SLC43A1: variants seen among roughly 807,000 people sequenced by gnomAD.
SLC43A1 encodes solute carrier family 43 member 1, also known as large neutral amino acids transporter small subunit 3.
SLC43A1 carries 31 observed loss-of-function variants against 59.5 expected under a neutral mutation model. The ratio of observed to expected loss-of-function variants is 0.52; its 90% CI spans 0.39 to 0.70. The LOEUF (loss-of-function observed/expected upper bound fraction) is 0.70, where lower values mean the gene tolerates loss of function less well. SLC43A1 is among the 30% of genes least tolerant of loss of function. The pLI, the probability that SLC43A1 is intolerant of heterozygous loss-of-function variation, is 0.00. For missense variants in SLC43A1, 598 were observed against 717.8 expected, an observed-to-expected ratio of 0.83 and a Z score of 1.91; for synonymous variants, 259 against 290.9, an observed-to-expected ratio of 0.89 and a Z score of 1.12.
rs775238362 is a variant in SLC43A1, at chr11:57,493,949, AC to A, written c.871+43del. On this transcript the variant is annotated intron_variant, in intron 8 of 14. Coordinates refer to ENST00000278426, the MANE Select transcript of SLC43A1 (RefSeq NM_003627.6). The stretch of plus-strand genomic sequence containing the variant: ...GAGTGCTCACTGAATATGAGGACCC[AC>A]CATCACTATCCCCCAAGGCCGGCAC... 2.6e-6 allele frequency: 4 copies of A among 1,533,014 alleles called. No homozygotes were observed. The African/African-American group carries it at 5.6e-5, about 21-fold the overall frequency. 95.0% of individuals were successfully genotyped at this position (1,533,014 alleles called of 1,614,324 possible). A position where few individuals can be genotyped will look rare whatever the true frequency, so the allele number is the denominator to read the frequency against.
At chr11:57,485,317 C>G (rs1042626434) in intron 14 of SLC43A1, 75 bp from the exon 15 acceptor site, 4 of 1,438,306 alleles carry the variant, frequency 2.8e-6, no homozygotes, top group Non-Finnish European at 3.7e-6. Flanking sequence ...GAGGAGAAGG[C>G]GGCCATTTTT....
chr11:57,497,701 C>A, intron 6 of SLC43A1, 52 bp downstream of exon 6: 1 of 1,432,438 alleles, frequency 7.0e-7, no homozygotes, highest in Non-Finnish European at 9.8e-7. Flanking sequence ...GCTCACTCGG[C>A]CCCACCCGGT....
chr11:57,494,768 G>A (rs1944027593), intron 7 of SLC43A1, among the ~76,000 whole-genome samples: 1 of 152,054 alleles, frequency 6.6e-6, no homozygotes, highest in African/African-American at 2.4e-5. Context: ...GGGACCACAT[G>A]GCATCGAGTG....
intron 2 of SLC43A1, among the ~76,000 whole-genome samples, chr11:57,506,637 C>T (rs187246365): frequency 4.6e-5 from 7 of 152,278 alleles, no homozygotes; most frequent in Non-Finnish European, 7.4e-5. Context: ...CAGGGACATC[C>T]ACACTATTCC....
At position 57,514,983 on chromosome 11, in the gene SLC43A1, T is replaced by A; in HGVS notation, c.-14+461A>T. ...TCCCCCCGCCGCGGCCGCTGCAGCC[T>A]CGGCGGGAGGAGAGGGAACGCGGGC... On this transcript the variant is annotated intron_variant, in intron 1 of 14. Coordinates refer to ENST00000278426, the MANE Select transcript of SLC43A1 (RefSeq NM_003627.6). The surrounding 1 kb of genome is among the most constrained non-coding windows in gnomAD (Gnocchi z 5.5). 1.0e-6 allele frequency: 1 copy of A among 975,566 alleles called. No individual in the cohort carries two copies. The highest frequency in any genetic ancestry group is 1.2e-6 in the Non-Finnish European group (1 of 821,538). 60.4% of individuals were successfully genotyped at this position (975,566 alleles called of 1,614,324 possible).
intron 2 of SLC43A1, among the ~76,000 whole-genome samples, chr11:57,501,925 A>T (rs1246257873): frequency 1.3e-5 from 2 of 152,250 alleles, no homozygotes; most frequent in Non-Finnish European, 2.9e-5. Flanking sequence ...GCTAATACTT[A>T]TTGAGCACTT....
chr11:57,496,068 T>C lies in SLC43A1; in HGVS notation c.655A>G (p.Ile219Val), dbSNP rs202001356. The C allele has an allele frequency of 1.2e-4, 187 of 1,613,962 alleles. No homozygotes were observed. The highest frequency in any genetic ancestry group is 6.6e-4 in the Middle Eastern group (4 of 6,084). ...TCCTCAGGGGCAGGAAAGGCTTCGA[T>C]GGGCCAGTTGAGGGTGCAGTTCAGA... ...IFLNCTLNWP[I>V]EAFPAPEEVN... The change falls in exon 7 of 15, where the codon ATC (isoleucine) becomes GTC (valine). Residue 219 changes from isoleucine to valine, a missense_variant. Transcript: ENST00000278426.
In SLC43A1 at chr11:57,501,061, A is replaced by G. The variant is rs776255623; in HGVS notation, c.333-18T>C. On this transcript the variant is annotated intron_variant, in intron 3 of 14. Coordinates refer to ENST00000278426, the MANE Select transcript of SLC43A1 (RefSeq NM_003627.6). ...AGCAGGCACTGTGGAGACACAGGGAAGGGCGAGGGGTTGGCCTGTGAGCAC... is the reference window on the plus strand; with the variant it reads ...AGCAGGCACTGTGGAGACACAGGGAGGGGCGAGGGGTTGGCCTGTGAGCAC... The G allele has an allele frequency of 1.0e-4, 160 of 1,606,254 alleles. 2 individuals carry two copies. The highest frequency in any genetic ancestry group is 1.4e-5 in the Non-Finnish European group (17 of 1,176,348).
At chr11:57,486,581 C>T (rs1943734070) in intron 14 of SLC43A1, among the ~76,000 whole-genome samples, 1 of 149,778 alleles carries the variant, frequency 6.7e-6, no homozygotes, top group African/African-American at 2.5e-5. Context: ...GGGCAGATCA[C>T]GAGGTCGGGA....
chr11:57,501,862 C>T (rs1184426465), intron 2 of SLC43A1, among the ~76,000 whole-genome samples: 1 of 152,164 alleles, frequency 6.6e-6, no homozygotes, highest in Non-Finnish European at 1.5e-5. Flanking sequence ...TTAGAAAGAA[C>T]ACTAAAACTT....
chr11:57,510,457 CAAAAAAAAA>C (rs61412196), intron 2 of SLC43A1, among the ~76,000 whole-genome samples: 1 of 25,762 alleles, frequency 3.9e-5, no homozygotes, highest in Non-Finnish European at 6.7e-5. Flanking sequence ...GACTCCATCT[CAAAAAAAAA>C]AAAAAAAAAA....
intron 2 of SLC43A1, among the ~76,000 whole-genome samples, chr11:57,510,184 C>T (rs973409371): frequency 1.1e-4 from 17 of 151,820 alleles, no homozygotes; most frequent in South Asian, 4.2e-4. Flanking sequence ...AGGCCGGGCG[C>T]GGTGGCTCAT....
chr11:57,487,338 G>A (rs748585694), intron 13 of SLC43A1, 120 bp from the exon 14 acceptor site: 57 of 1,264,894 alleles, frequency 4.5e-5, no homozygotes, highest in Non-Finnish European at 5.5e-5. Context: ...TTAAGCGTTC[G>A]GGCTCTTTGC....
intron 8 of SLC43A1, among the ~76,000 whole-genome samples, chr11:57,492,387 A>AG (rs1370290292): frequency 7.3e-6 from 1 of 136,608 alleles, no homozygotes; most frequent in African/African-American, 2.7e-5. Flanking sequence ...CAGGAGTTCA[A>AG]GACCAGCCTG....
At chr11:57,491,658 C>T (rs769526066) in intron 9 of SLC43A1, 32 bp from the exon 10 acceptor site, 2 of 1,614,172 alleles carry the variant, frequency 1.2e-6, no homozygotes, top group South Asian at 1.1e-5. Flanking sequence ...GTGAGGGGAG[C>T]TCAGCCAGGG....
At chr11:57,509,847 A>AT (rs1944490757) in intron 2 of SLC43A1, among the ~76,000 whole-genome samples, 1 of 152,302 alleles carries the variant, frequency 6.6e-6, no homozygotes, top group East Asian at 1.9e-4. Context: ...AAAATAGAAA[A>AT]TTGGACTTCA....
Position 57,489,009 on chromosome 11 carries a change from G to T in SLC43A1, c.1336-20C>A. 1.1e-5 allele frequency: 18 copies of T among 1,611,368 alleles called. No individual in the cohort carries two copies. The highest frequency in any genetic ancestry group is 1.4e-5 in the Non-Finnish European group (17 of 1,177,398). ...CACAAACTAAAACCAAAAAGAGAGA[G>T]TGAAGAGGTTAGGAGAGTGTGTGGA... On this transcript the variant is annotated intron_variant, in intron 12 of 14. Transcript: ENST00000278426.
chr11:57,502,373 G>A (rs993425793), intron 2 of SLC43A1, among the ~76,000 whole-genome samples: 3 of 152,194 alleles, frequency 2.0e-5, no homozygotes, highest in African/African-American at 4.8e-5. Context: ...CCTAACCCAC[G>A]ACCTCCTTAG....
In SLC43A1 at chr11:57,514,151, A is replaced by G. The variant is rs1226038589; in HGVS notation, c.-13-27T>C. ...TGCACAGAAACAGAGCGCTGGGTGA[A>G]GGGCCCCCCAGTGGCCCCAGGGAAG... On this transcript the variant is annotated intron_variant, in intron 1 of 14. Coordinates refer to ENST00000278426, the MANE Select transcript of SLC43A1 (RefSeq NM_003627.6). This position sits in a 1 kb window ranked among gnomAD's most constrained non-coding sequence, Gnocchi z 5.5. 1 of 1,542,910 alleles carries G rather than the reference A, an allele frequency of 6.5e-7. No individual in the cohort carries two copies. The highest frequency in any genetic ancestry group is 1.4e-5 in the African/African-American group (1 of 72,680).
Sources: allele counts gnomAD v4.1 joint callset (sites outside exome capture counted in the v4.1 genomes callset), GRCh38; gene constraint gnomAD v4.1.1; non-coding constraint Gnocchi (gnomAD v3.1); transcripts MANE v1.5; gene names NCBI Gene and HGNC (gene_info 2026-07-23, HGNC 2026-07-21).